The following CNTN5 variants were observed in gnomAD, a reference collection of about 807,000 sequenced individuals.
CNTN5 encodes the protein contactin-5.
Under a neutral mutation model 129.1 loss-of-function variants are expected in CNTN5, and 77 were observed. That is an observed-to-expected ratio of 0.60 (90% CI 0.50 to 0.72). The LOEUF (loss-of-function observed/expected upper bound fraction) is 0.72. Among genes scored for constraint, CNTN5 ranks in the 30% least tolerant of loss-of-function variants. The pLI is 0.00. For missense variants in CNTN5, 1,478 were observed against 1,328.8 expected, an observed-to-expected ratio of 1.11 and a Z score of -1.75; for synonymous variants, 509 against 465.6, an observed-to-expected ratio of 1.09 and a Z score of -1.20.
intron 6 of CNTN5, among the ~76,000 whole-genome samples, chr11:99,900,435 T>C (rs1358744033): frequency 1.3e-5 from 2 of 152,002 alleles, no homozygotes; most frequent in East Asian, 1.9e-4. Context: ...TTTGATAGTA[T>C]TTTGTTGAAG....
intron 9 of CNTN5, among the ~76,000 whole-genome samples, chr11:100,038,715 T>C (rs574927557): frequency 8.1e-4 from 124 of 152,180 alleles, no homozygotes; most frequent in African/African-American, 2.9e-3. Flanking sequence ...CCCTTTACCA[T>C]TATGTAATGG....
intron 8 of CNTN5, among the ~76,000 whole-genome samples, chr11:99,971,948 GA>G (rs202141022): frequency 6.2e-5 from 9 of 145,694 alleles, no homozygotes; most frequent in South Asian, 4.3e-4. Context: ...CAATGCTTAA[GA>G]AAAAAAAACA....
At position 99,958,882 on chromosome 11, in the gene CNTN5, C is replaced by T. The variant is rs74621961; in HGVS notation, c.877+1873C>T. On this transcript the variant is annotated intron_variant, in intron 8 of 24. Coordinates refer to ENST00000524871, the MANE Select transcript of CNTN5 (RefSeq NM_014361.4). Reference sequence around the variant, plus strand: ...TGAATAGTGCCTGAGGTTGAGGAGGCTCTTCCACCTTCTTTTCACACCAGA... The same window carrying T: ...TGAATAGTGCCTGAGGTTGAGGAGGTTCTTCCACCTTCTTTTCACACCAGA... Among the ~76,000 whole-genome samples, 1,164 of 152,182 alleles carry T rather than the reference C, an allele frequency of 7.6e-3. 14 individuals are homozygous for T. Among genetic ancestry groups the T allele is most frequent in the African/African-American group, 0.027 (1,122 of 41,516 alleles).
intron 1 of CNTN5, among the ~76,000 whole-genome samples, chr11:99,221,753 A>G (rs1860407489): frequency 6.6e-6 from 1 of 151,978 alleles, no homozygotes. Context: ...CAGAGGAGTA[A>G]TTTTGAACTA....
intron 13 of CNTN5, among the ~76,000 whole-genome samples, chr11:100,189,081 G>C (rs1483321780): frequency 6.6e-6 from 1 of 152,032 alleles, no homozygotes; most frequent in Non-Finnish European, 1.5e-5. Context: ...TACTAGAGGA[G>C]AGAGGGAGAA....
At chr11:99,106,329 C>CTT (rs1432810130) in intron 1 of CNTN5, among the ~76,000 whole-genome samples, 2 of 151,976 alleles carry the variant, frequency 1.3e-5, no homozygotes, top group Non-Finnish European at 2.9e-5. Context: ...TATACTCAAA[C>CTT]ATATGCTTAA....
chr11:99,492,309 C>T (rs1386921488), intron 2 of CNTN5, among the ~76,000 whole-genome samples: 3 of 152,148 alleles, frequency 2.0e-5, no homozygotes, highest in African/African-American at 7.2e-5. Flanking sequence ...TGACAATAGC[C>T]ATATCAATTA....
intron 1 of CNTN5, among the ~76,000 whole-genome samples, chr11:99,312,679 T>C (rs986410037): frequency 6.6e-6 from 1 of 152,154 alleles, no homozygotes; most frequent in Non-Finnish European, 1.5e-5. Context: ...ACAATTCAGA[T>C]AGTGTGTGTG....
chr11:99,025,868 AT>A (rs892092400), intron 1 of CNTN5, among the ~76,000 whole-genome samples: 1 of 151,520 alleles, frequency 6.6e-6, no homozygotes, highest in Non-Finnish European at 1.5e-5. Context: ...AGTATTAAGG[AT>A]TTTTTTCTGA....
At chr11:99,258,987 G>A (rs1438278376) in intron 1 of CNTN5, among the ~76,000 whole-genome samples, 2 of 151,696 alleles carry the variant, frequency 1.3e-5, no homozygotes, top group South Asian at 2.1e-4. Context: ...TAGCTAGAGA[G>A]TAATAGGCCA....
chr11:99,659,257 T>A (rs1591437723), intron 3 of CNTN5, among the ~76,000 whole-genome samples: 1 of 151,884 alleles, frequency 6.6e-6, no homozygotes, highest in African/African-American at 2.4e-5. Context: ...GGGAAAAAAA[T>A]TATGAAAGGA....
chr11:100,245,987 C>T (rs1368410966), intron 16 of CNTN5, among the ~76,000 whole-genome samples: 1 of 152,064 alleles, frequency 6.6e-6, no homozygotes, highest in Non-Finnish European at 1.5e-5. Context: ...AGTATTTTCC[C>T]CCATTCCATT....
intron 3 of CNTN5, among the ~76,000 whole-genome samples, chr11:99,592,528 C>T (rs113114505): frequency 9.1e-4 from 138 of 152,020 alleles, no homozygotes; most frequent in Non-Finnish European, 2.2e-4. Flanking sequence ...CATGGGAAGA[C>T]GCCAAGCTGG....
chr11:99,075,676 C>T (rs938158276), intron 1 of CNTN5, among the ~76,000 whole-genome samples: 4 of 151,998 alleles, frequency 2.6e-5, no homozygotes, highest in Admixed American at 6.6e-5. Context: ...CATTTAATGT[C>T]GACTGACAAC....
intron 13 of CNTN5, among the ~76,000 whole-genome samples, chr11:100,111,237 A>G (rs1476219808): frequency 1.3e-5 from 2 of 152,176 alleles, no homozygotes; most frequent in Admixed American, 6.5e-5. Context: ...GTGGGACTGT[A>G]TAGATATTGT....
chr11:99,771,111 T>C (rs1225754215), intron 3 of CNTN5, among the ~76,000 whole-genome samples: 1 of 152,080 alleles, frequency 6.6e-6, no homozygotes, highest in Non-Finnish European at 1.5e-5. Context: ...ATCATATCAT[T>C]TCATACCTGA....
intron 2 of CNTN5, among the ~76,000 whole-genome samples, chr11:99,547,951 G>A (rs954463): frequency 0.063 from 9,614 of 152,068 alleles, 362 homozygotes; most frequent in Non-Finnish European, 0.076. Flanking sequence ...CCCCAGCTTC[G>A]TTATCTGTAA....
chr11:99,907,943 C>A (rs7930068), intron 6 of CNTN5, among the ~76,000 whole-genome samples: 95,444 of 151,788 alleles, frequency 0.63, 30,297 homozygotes, highest in Non-Finnish European at 0.67. Context: ...AAATGTGAAC[C>A]TACCCATTGA....
chr11:99,426,328 C>T (rs561865265), intron 2 of CNTN5, among the ~76,000 whole-genome samples: 1 of 152,186 alleles, frequency 6.6e-6, no homozygotes, highest in South Asian at 2.1e-4. Context: ...ATTCATTTAT[C>T]CAAAGTGGTA....
Sources: gnomAD v4.1 joint callset for allele counts (sites outside exome capture counted in the v4.1 genomes callset) on GRCh38, gnomAD v4.1.1 for gene constraint, MANE v1.5 for transcripts, NCBI Gene and HGNC (gene_info 2026-07-23, HGNC 2026-07-21) for gene names.